The following DPM1 variants were observed in gnomAD, a reference collection of about 807,000 sequenced individuals.
DPM1 encodes dolichyl-phosphate mannosyltransferase subunit 1, catalytic.
A neutral mutation model predicts 39.0 loss-of-function variants in DPM1; 27 were observed. That is an observed-to-expected ratio of 0.69 (90% CI 0.51 to 0.95). DPM1 has a LOEUF of 0.95. Among genes scored for constraint, DPM1 ranks in the 40% least tolerant of loss-of-function variants. DPM1 has a pLI of 0.00. For synonymous variants in DPM1, 124 were observed against 109.0 expected (o/e 1.14, Z -0.86); for missense variants, 307 against 315.6 (o/e 0.97, Z 0.21).
Position 50,958,401 on chromosome 20 carries a change from C to G in DPM1, c.123G>C (p.Pro41=). ...TTTTCACCAGCAGCCACACGATGAGCGGCAGGTTCTCGCGCTCGTTGTAGG... is the reference window on the plus strand; with the variant it reads ...TTTTCACCAGCAGCCACACGATGAGGGGCAGGTTCTCGCGCTCGTTGTAGG... ...LPTYNERENL[P]LIVWLLVKSF... The change falls in exon 1 of 9, where the codon CCG becomes CCC. Residue 41 remains proline (P), a synonymous_variant. Transcript: ENST00000371588. 1 of 1,614,010 alleles carries G rather than the reference C, an allele frequency of 6.2e-7. No individual in the cohort carries two copies. The highest frequency in any genetic ancestry group is 8.5e-7 in the Non-Finnish European group (1 of 1,180,038).
intron 2 of DPM1, among the ~76,000 whole-genome samples, chr20:50,954,939 C>T (rs557301683): frequency 2.2e-4 from 34 of 152,246 alleles, no homozygotes; most frequent in Non-Finnish European, 4.6e-4. Context: ...AATTTATCTG[C>T]AGAATTAGTT....
intron 1 of DPM1, among the ~76,000 whole-genome samples, chr20:50,956,970 A>C (rs998164882): frequency 1.4e-4 from 21 of 152,206 alleles, no homozygotes; most frequent in African/African-American, 5.1e-4. Context: ...TTGATTCACA[A>C]ACCATTAAAA....
chr20:50,936,793 G>A (rs1985197080), intron 7 of DPM1, among the ~76,000 whole-genome samples: 1 of 152,194 alleles, frequency 6.6e-6, no homozygotes, highest in African/African-American at 2.4e-5. Flanking sequence ...TCTAGGATGA[G>A]CTTGGGAAGC....
chr20:50,945,253 C>T (rs6067596), intron 5 of DPM1: 1 of 156,154 alleles, frequency 6.4e-6, no homozygotes, highest in Admixed American at 6.2e-5. Flanking sequence ...CTCAGGACTC[C>T]TAAAATACAT....
intron 6 of DPM1, 33 bp from the exon 7 acceptor site, chr20:50,940,966 A>G: frequency 6.2e-7 from 1 of 1,604,592 alleles, no homozygotes; most frequent in Non-Finnish European, 8.5e-7. Flanking sequence ...CTTCTTTACA[A>G]AATACAATTT....
intron 2 of DPM1, among the ~76,000 whole-genome samples, chr20:50,951,948 C>T (rs1986603512): frequency 2.0e-5 from 3 of 151,912 alleles, no homozygotes; most frequent in Non-Finnish European, 2.9e-5. Context: ...CTCTTAATTC[C>T]ACCTCTCCAC....
At chr20:50,954,236 G>A (rs919914409) in intron 2 of DPM1, among the ~76,000 whole-genome samples, 1 of 151,942 alleles carries the variant, frequency 6.6e-6, no homozygotes, top group Admixed American at 6.6e-5. Flanking sequence ...GTTCTCAAAG[G>A]GACTTCTTTC....
rs141465775 is a variant in DPM1, at chr20:50,939,995, T to A, written c.563+870A>T. Among the ~76,000 whole-genome samples, 1,211 of 152,274 alleles carry A rather than the reference T, an allele frequency of 8.0e-3. 22 individuals are homozygous for A. The highest frequency in any genetic ancestry group is 0.028 in the African/African-American group (1,157 of 41,542). ...CTTAGGGTATAGCCTCCCCTCTCTT[T>A]CATCCCCAAGTTCAGCTCTCCAGTC... On this transcript the variant is annotated intron_variant, in intron 7 of 8. Coordinates refer to ENST00000371588, the MANE Select transcript of DPM1 (RefSeq NM_003859.3).
intron 5 of DPM1, 58 bp downstream of exon 5, chr20:50,945,679 A>T: frequency 7.1e-7 from 1 of 1,415,264 alleles, no homozygotes; most frequent in Non-Finnish European, 9.9e-7. Context: ...TAAGCCCAAA[A>T]CCAGTAAGAT....
intron 6 of DPM1, 111 bp from the exon 7 acceptor site, chr20:50,941,044 A>G: frequency 9.1e-7 from 1 of 1,099,412 alleles, no homozygotes; most frequent in South Asian, 1.4e-5. Context: ...TGTAACATTA[A>G]TTTCATAAAA....
At chr20:50,951,798 ATAAAT>A (rs1986593578) in intron 2 of DPM1, among the ~76,000 whole-genome samples, 1 of 147,328 alleles carries the variant, frequency 6.8e-6, no homozygotes, top group African/African-American at 2.7e-5. Context: ...CAAAAAAAAA[ATAAAT>A]AAATAAATAA....
At chr20:50,941,480 G>A (rs1384036361) in intron 6 of DPM1, among the ~76,000 whole-genome samples, 1 of 149,502 alleles carries the variant, frequency 6.7e-6, no homozygotes, top group Non-Finnish European at 1.5e-5. Flanking sequence ...GGGAAGCTGA[G>A]GCAGGCAGAT....
At chr20:50,948,695 G>GA (rs1174558340) in intron 2 of DPM1, 33 bp from the exon 3 acceptor site, 5 of 1,596,706 alleles carry the variant, frequency 3.1e-6, no homozygotes, top group Non-Finnish European at 3.4e-6. Flanking sequence ...TTTACACACA[G>GA]AAACAGAAAT....
At chr20:50,956,894 C>T (rs1253774052) in intron 1 of DPM1, among the ~76,000 whole-genome samples, 1 of 152,154 alleles carries the variant, frequency 6.6e-6, no homozygotes, top group African/African-American at 2.4e-5. Flanking sequence ...GGGCTGACTT[C>T]AAGTAATTTG....
At chr20:50,947,272 G>A (rs543202483) in intron 3 of DPM1, among the ~76,000 whole-genome samples, 1 of 152,350 alleles carries the variant, frequency 6.6e-6, no homozygotes, top group African/African-American at 2.4e-5. Context: ...TCGGGAGGCT[G>A]AGGCACAAGA....
chr20:50,945,906 C>T lies in DPM1; in HGVS notation c.313G>A (p.Gly105Arg), dbSNP rs774763861. Residue 105 changes from glycine (G) to arginine (R), a missense_variant, in exon 4 of 9, where the codon GGA becomes AGA. By Grantham distance (125) the Gly-to-Arg change is moderately radical. Around this residue, in one of 3 missense-constraint regions of DPM1, gnomAD observed 206 missense variants for 188.2 expected, o/e 1.09. Coordinates refer to ENST00000371588, the MANE Select transcript of DPM1 (RefSeq NM_003859.3). Reference protein sequence around the residue: ...KLGLGTAYIHGMKHATGNYII... With the variant: ...KLGLGTAYIHRMKHATGNYII... The stretch of plus-strand genomic sequence containing the variant: ...TAGTTTCCTGTGGCATGTTTCATTC[C>T]ATGAATATATGCAGTTCCTAAAAAT... 6.2e-7 allele frequency: 1 copy of T among 1,613,228 alleles called. No individual in the cohort carries two copies. The highest frequency in any genetic ancestry group is 2.2e-5 in the East Asian group (1 of 44,768).
intron 2 of DPM1, among the ~76,000 whole-genome samples, chr20:50,950,901 T>A (rs112504228): frequency 3.1e-4 from 46 of 147,546 alleles, no homozygotes; most frequent in African/African-American, 1.0e-3. Flanking sequence ...CAAACAAACA[T>A]AACTTTGTTA....
At chr20:50,938,889 G>C (rs1985456654) in intron 7 of DPM1, among the ~76,000 whole-genome samples, 1 of 151,870 alleles carries the variant, frequency 6.6e-6, no homozygotes, top group Non-Finnish European at 1.5e-5. Flanking sequence ...TGAGGCAGGA[G>C]AATCTCTTGA....
chr20:50,936,459 C>T (rs1290601735), intron 7 of DPM1, among the ~76,000 whole-genome samples, 197 bp from the exon 8 acceptor site: 1 of 152,150 alleles, frequency 6.6e-6, no homozygotes, highest in African/African-American at 2.4e-5. Flanking sequence ...TGCTAAATAA[C>T]TTAGAATAAT....
Sources: gnomAD v4.1 joint callset for allele counts (sites outside exome capture counted in the v4.1 genomes callset) on GRCh38, gnomAD v4.1.1 for gene constraint, gnomAD v4.1.1 regional missense constraint, MANE v1.5 for transcripts, NCBI Gene and HGNC (gene_info 2026-07-23, HGNC 2026-07-21) for gene names.